TMEM222: variants seen among roughly 807,000 people sequenced by gnomAD.
The protein encoded by TMEM222 is transmembrane protein 222, also known as chromosome 1 open reading frame 160.
A neutral mutation model predicts 25.1 loss-of-function variants in TMEM222; 18 were observed. The observed-to-expected ratio is 0.72, with a 90% CI of 0.50 to 1.06. TMEM222 has a LOEUF of 1.06. Ranked by LOEUF, TMEM222 falls within the 50% of genes least tolerant of loss-of-function variation. TMEM222 has a pLI of 0.00. For synonymous variants in TMEM222, 131 were observed against 117.9 expected (o/e 1.11, Z -0.72); for missense variants, 296 against 293.7 (o/e 1.01, Z -0.06).
At position 27,335,361 on chromosome 1, in the gene TMEM222, C is replaced by T; in HGVS notation, c.540-18C>T. 6.2e-7 allele frequency: 1 copy of T among 1,613,856 alleles called. No individual in the cohort carries two copies. The highest frequency in any genetic ancestry group is 8.5e-7 in the Non-Finnish European group (1 of 1,179,692). On this transcript the variant is annotated intron_variant, in intron 5 of 5. Transcript: ENST00000374076. ...ACCAGGCCCTGCCCACCTATGCTCG[C>T]TCCTTTCTCTCTGTCAGCGTTGGGG...
intron 1 of TMEM222, among the ~76,000 whole-genome samples, chr1:27,329,026 G>A (rs1040783314): frequency 2.6e-5 from 4 of 152,192 alleles, no homozygotes; most frequent in Admixed American, 6.5e-5. Context: ...ATATTGGGGT[G>A]CATCTGAGAT....
At chr1:27,326,537 A>G (rs1332708920) in intron 1 of TMEM222, among the ~76,000 whole-genome samples, 2 of 152,118 alleles carry the variant, frequency 1.3e-5, no homozygotes, top group South Asian at 2.1e-4. Flanking sequence ...AAAAAAAGGG[A>G]AAAAAAAGAA....
At chr1:27,334,435 G>C (rs2148019274) in intron 5 of TMEM222, 154 bp downstream of exon 5, 3 of 1,319,318 alleles carry the variant, frequency 2.3e-6, no homozygotes, top group Non-Finnish European at 3.1e-6. Context: ...ACGAGCTGAG[G>C]GCCTGATGGA....
At position 27,322,332 on chromosome 1, in the gene TMEM222, G is replaced by T; in HGVS notation, c.135G>T (p.Met45Ile). ...ATCAAGGCTCCGGCGGCGTCGCCAT[G>T]GATGTGGAACGGAGTCGCTTCCCCT... ...KQYQGSGGVA[M>I]DVERSRFPYC... The change falls in exon 1 of 6, where the codon ATG becomes ATT. Residue 45 changes from methionine (M) to isoleucine (I), a missense_variant. By Grantham distance (10) the Met-to-Ile change is conservative. Coordinates refer to ENST00000374076, the MANE Select transcript of TMEM222 (RefSeq NM_032125.3). The T allele has an allele frequency of 6.5e-7, 1 of 1,546,878 alleles. No individual in the cohort carries two copies. Among genetic ancestry groups the T allele is most frequent in the Non-Finnish European group, 8.8e-7 (1 of 1,142,856 alleles).
At chr1:27,332,616 G>A in intron 3 of TMEM222, 1 of 679,546 alleles carries the variant, frequency 1.5e-6, no homozygotes, top group East Asian at 2.7e-5. Flanking sequence ...GCAGTCTCGG[G>A]TGCCCACCTC....
Position 27,335,397 on chromosome 1 carries a change from G to A in TMEM222, c.558G>A (p.Lys186=). Residue 186 remains lysine, a synonymous_variant, in exon 6 of 6, where the codon AAG becomes AAA. Transcript: ENST00000374076. ...CTGTCAGCGTTGGGGCCTTCGTGAA[G>A]ACCTGGCTGCCCTTCATCCTTCTCC... ...GKYVSVGAFV[K]TWLPFILLLG... The A allele has an allele frequency of 1.2e-6, 2 of 1,614,200 alleles. No homozygotes were observed. Among genetic ancestry groups the A allele is most frequent in the Non-Finnish European group, 1.7e-6 (2 of 1,180,034 alleles).
rs574138131 is a variant in TMEM222, at chr1:27,329,241, A to G, written c.195-1479A>G. On this transcript the variant is annotated intron_variant, in intron 1 of 5. Coordinates refer to ENST00000374076, the MANE Select transcript of TMEM222 (RefSeq NM_032125.3). The stretch of plus-strand genomic sequence containing the variant: ...TTTTTTAACTTTCTTATTGAGGTAT[A>G]ACTTATGTACCAAACGGTGTGCGAA... Among the ~76,000 whole-genome samples, 3 of 150,878 alleles carry G rather than the reference A, an allele frequency of 2.0e-5. No homozygotes were observed. The East Asian group carries it at 5.8e-4, about 29-fold the overall frequency.
intron 1 of TMEM222, among the ~76,000 whole-genome samples, chr1:27,326,992 C>G (rs1380103300): frequency 6.7e-6 from 1 of 150,340 alleles, no homozygotes; most frequent in Non-Finnish European, 1.5e-5. Flanking sequence ...AGACTTCCTC[C>G]CAAGCAGATG....
At chr1:27,331,349 C>T (rs1303376780) in intron 2 of TMEM222, among the ~76,000 whole-genome samples, 1 of 152,182 alleles carries the variant, frequency 6.6e-6, no homozygotes, top group Non-Finnish European at 1.5e-5. Context: ...GGTGTGGTGG[C>T]ACCAACCTGT....
At chr1:27,327,860 G>C (rs919742872) in intron 1 of TMEM222, among the ~76,000 whole-genome samples, 4 of 152,208 alleles carry the variant, frequency 2.6e-5, no homozygotes, top group African/African-American at 9.7e-5. Flanking sequence ...AACTGCCTTG[G>C]CCTTCCAAAG....
At chr1:27,330,827 C>CG (rs759790832) in intron 2 of TMEM222, 23 bp downstream of exon 2, 5 of 1,612,786 alleles carry the variant, frequency 3.1e-6, no homozygotes, top group African/African-American at 2.7e-5. Context: ...TCTGCCCACC[C>CG]GGGGGGTTCC....
intron 2 of TMEM222, among the ~76,000 whole-genome samples, chr1:27,331,449 A>G (rs2148016962): frequency 6.6e-6 from 1 of 152,328 alleles, no homozygotes; most frequent in African/African-American, 2.4e-5. Context: ...ACTTTATCAT[A>G]TATTTTTATG....
chr1:27,330,928 C>T (rs2014463724), intron 2 of TMEM222, 124 bp downstream of exon 2: 2 of 1,567,878 alleles, frequency 1.3e-6, no homozygotes, highest in Non-Finnish European at 1.7e-6. Flanking sequence ...CAGTCCTGGC[C>T]CTGGCCCTCT....
chr1:27,325,106 GGC>G, intron 1 of TMEM222: 1 of 327,006 alleles, frequency 3.1e-6, no homozygotes, highest in South Asian at 2.6e-5. Context: ...GCATAGATGT[GGC>G]GCAAGTAACT....
intron 1 of TMEM222, among the ~76,000 whole-genome samples, chr1:27,329,824 G>A (rs1053134967): frequency 8.5e-5 from 13 of 152,226 alleles, no homozygotes; most frequent in Non-Finnish European, 1.3e-4. Context: ...GAAACAGGCC[G>A]GGTACGGTGG....
At chr1:27,332,991 G>T (rs2014516950) in intron 3 of TMEM222, 1 of 302,344 alleles carries the variant, frequency 3.3e-6, no homozygotes, top group Admixed American at 4.2e-5. Flanking sequence ...GCTCTCCTTG[G>T]CCTGAGACCC....
intron 5 of TMEM222, 158 bp downstream of exon 5, chr1:27,334,439 T>C (rs2014557181): frequency 7.7e-7 from 1 of 1,298,074 alleles, no homozygotes; most frequent in Admixed American, 2.6e-5. Flanking sequence ...GCTGAGGGCC[T>C]GATGGAGAGG....
chr1:27,333,610 C>T (rs1043024696), intron 3 of TMEM222: 6 of 402,142 alleles, frequency 1.5e-5, no homozygotes, highest in African/African-American at 1.2e-4. Context: ...GGACACGGAT[C>T]CCATTCATGA....
In TMEM222 at chr1:27,322,394, G is replaced by A. The variant is rs1299291994; in HGVS notation, c.194+3G>A. 5.0e-6 allele frequency: 7 copies of A among 1,413,368 alleles called. No individual in the cohort carries two copies. Among genetic ancestry groups the A allele is most frequent in the Middle Eastern group, 1.9e-4 (1 of 5,310 alleles). 87.6% of individuals were successfully genotyped at this position (1,413,368 alleles called of 1,614,324 possible). On this transcript the variant is annotated splice_donor_region_variant and intron_variant, in intron 1 of 5. Coordinates refer to ENST00000374076, the MANE Select transcript of TMEM222 (RefSeq NM_032125.3). ...TGGACGCCCATCCCGGTGCTCACGT[G>A]AGTCTCTTCCGGCATCCGCCTGGGG...
Sources: allele counts gnomAD v4.1 joint callset (sites outside exome capture counted in the v4.1 genomes callset), GRCh38; gene constraint gnomAD v4.1.1; transcripts MANE v1.5; gene names NCBI Gene and HGNC (gene_info 2026-07-23, HGNC 2026-07-21).